PCDHGB1: variants seen among roughly 807,000 people sequenced by gnomAD.
PCDHGB1 encodes the protein protocadherin gamma-B1.
Under a neutral mutation model 56.6 loss-of-function variants are expected in PCDHGB1, and 34 were observed. The ratio of observed to expected loss-of-function variants is 0.60; its 90% CI spans 0.46 to 0.80. The LOEUF (loss-of-function observed/expected upper bound fraction) is 0.80. Among genes scored for constraint, PCDHGB1 ranks in the 30% least tolerant of loss-of-function variants. The pLI is 0.00. For missense variants in PCDHGB1, 1,278 were observed against 1,204.6 expected, an observed-to-expected ratio of 1.06 and a Z score of -0.90; for synonymous variants, 561 against 505.9, an observed-to-expected ratio of 1.11 and a Z score of -1.46.
intron 1 of PCDHGB1, chr5:141,478,860 A>C: frequency 1.9e-5 from 25 of 1,331,544 alleles, no homozygotes; most frequent in Middle Eastern, 2.6e-4. Context: ...ACAAGATCTC[A>C]GCGATCAGAG....
At chr5:141,419,793 C>T in intron 1 of PCDHGB1, 1 of 1,614,072 alleles carries the variant, frequency 6.2e-7, no homozygotes, top group East Asian at 2.2e-5. Flanking sequence ...CTGCTAGTCG[C>T]TGTAAGAGAT....
chr5:141,387,840 C>A, intron 1 of PCDHGB1: 1 of 1,597,864 alleles, frequency 6.3e-7, no homozygotes, highest in African/African-American at 1.3e-5. Context: ...TTATTTGTAA[C>A]CCGGCGTCTC....
intron 1 of PCDHGB1, chr5:141,372,839 A>G: frequency 6.6e-7 from 1 of 1,524,174 alleles, no homozygotes. Context: ...TCCTTCCATA[A>G]ATATAATTGG....
intron 1 of PCDHGB1, chr5:141,409,887 TGCTGTAC>T: frequency 6.2e-7 from 1 of 1,613,062 alleles, no homozygotes; most frequent in Non-Finnish European, 8.5e-7. Flanking sequence ...GCACCGCGGG[TGCTGTAC>T]CCAGCTCTGG....
Position 141,491,722 on chromosome 5 carries a change from C to G in PCDHGB1, c.2410-3085C>G, listed in dbSNP as rs1276921909. ...CCAGGTGAGGGGCTCGGCGCCGCCC[C>G]GGGCGACCCCTGGGGGCGGCACTGG... On this transcript the variant is annotated intron_variant, in intron 1 of 3. Transcript: ENST00000523390. This position sits in a 1 kb window ranked among gnomAD's most constrained non-coding sequence, Gnocchi z 6.9. 2 of 1,607,004 alleles carry G rather than the reference C, an allele frequency of 1.2e-6. No homozygotes were observed. The highest frequency in any genetic ancestry group is 1.7e-5 in the Admixed American group (1 of 58,788).
At chr5:141,438,957 CACCCTGCCA>C (rs1022731551) in intron 1 of PCDHGB1, among the ~76,000 whole-genome samples, 2 of 152,144 alleles carry the variant, frequency 1.3e-5, no homozygotes, top group East Asian at 3.9e-4. Flanking sequence ...TGAGCCACCG[CACCCTGCCA>C]ACTGTCTGAC....
At chr5:141,385,376 C>T in intron 1 of PCDHGB1, 1 of 1,523,128 alleles carries the variant, frequency 6.6e-7, no homozygotes. Context: ...CATGATATTT[C>T]TCTATTATTT....
Position 141,384,414 on chromosome 5 carries a change from C to T in PCDHGB1, c.2409+31745C>T, listed in dbSNP as rs1159996307. 5 of 1,613,838 alleles carry T rather than the reference C, an allele frequency of 3.1e-6. No individual in the cohort carries two copies. In the East Asian group the frequency reaches 8.9e-5, roughly 29 times the overall value. ...AGGGGGCTCCAGTGTCCTCCTATGT[C>T]TCCATAAACTCTGACACTGGAGTCC... On this transcript the variant is annotated intron_variant, in intron 1 of 3. Coordinates refer to ENST00000523390, the MANE Select transcript of PCDHGB1 (RefSeq NM_018922.3).
At chr5:141,388,781 T>C (rs770000046) in intron 1 of PCDHGB1, 3 of 1,613,832 alleles carry the variant, frequency 1.9e-6, no homozygotes, top group Non-Finnish European at 2.5e-6. Flanking sequence ...CCGGGGAAAT[T>C]ACTGTTTTAA....
rs1309124846 is a variant in PCDHGB1, at chr5:141,491,295, T to C, written c.2410-3512T>C. On this transcript the variant is annotated intron_variant, in intron 1 of 3. Coordinates refer to ENST00000523390, the MANE Select transcript of PCDHGB1 (RefSeq NM_018922.3). This position sits in a 1 kb window ranked among gnomAD's most constrained non-coding sequence, Gnocchi z 6.9. ...CCAGTGACTTCCTCATACACCCTCC[T>C]GAGCGTTCAGACCTTACCCTTTACC... The C allele has an allele frequency of 6.2e-7, 1 of 1,614,176 alleles. No homozygotes were observed. Among genetic ancestry groups the C allele is most frequent in the Non-Finnish European group, 8.5e-7 (1 of 1,179,994 alleles).
Position 141,410,674 on chromosome 5 carries a change from A to G in PCDHGB1, c.2409+58005A>G. 3.2e-6 allele frequency: 5 copies of G among 1,551,418 alleles called. No homozygotes were observed. In the South Asian group the frequency reaches 3.6e-5, roughly 11 times the overall value. On this transcript the variant is annotated intron_variant, in intron 1 of 3. Coordinates refer to ENST00000523390, the MANE Select transcript of PCDHGB1 (RefSeq NM_018922.3). ...ATCTAATAGTCTACTAGTTTCTCATATTTTAGGCATACTACTTTATTTTCA... is the reference window on the plus strand; with the variant it reads ...ATCTAATAGTCTACTAGTTTCTCATGTTTTAGGCATACTACTTTATTTTCA...
intron 1 of PCDHGB1, chr5:141,404,610 T>G (rs1207198913): frequency 6.2e-7 from 1 of 1,614,130 alleles, no homozygotes. Context: ...CTGTTTGTTT[T>G]GGACCAGAAT....
In PCDHGB1 at chr5:141,428,425, T is replaced by A. The variant is rs1193842204; in HGVS notation, c.2410-66382T>A. ...GGGTTGCTTTCACCCTGGTCTCTGT[T>A]CTAAGACTAGACCAGGGGTTTTTCC... On this transcript the variant is annotated intron_variant, in intron 1 of 3. Transcript: ENST00000523390. 4 of 436,598 alleles carry A rather than the reference T, an allele frequency of 9.2e-6. No homozygotes were observed. In the East Asian group the frequency reaches 1.9e-4, roughly 21 times the overall value. 27.0% of individuals were successfully genotyped at this position (436,598 alleles called of 1,614,324 possible). A position where few individuals can be genotyped will look rare whatever the true frequency, so the allele number is the denominator to read the frequency against.
chr5:141,507,632 G>A (rs551849213), intron 3 of PCDHGB1, among the ~76,000 whole-genome samples: 6 of 152,360 alleles, frequency 3.9e-5, no homozygotes, highest in Non-Finnish European at 7.3e-5. Flanking sequence ...GTGGCCTTGC[G>A]CCCTGAGGCC....
intron 1 of PCDHGB1, chr5:141,360,160 G>C (rs1368478719): frequency 2.5e-6 from 4 of 1,606,014 alleles, no homozygotes; most frequent in Non-Finnish European, 3.4e-6. Flanking sequence ...AGGGAGGTGC[G>C]GGCTGGTGCG....
chr5:141,466,552 G>C lies in PCDHGB1; in HGVS notation c.2410-28255G>C, dbSNP rs913019489. On this transcript the variant is annotated intron_variant, in intron 1 of 3. Coordinates refer to ENST00000523390, the MANE Select transcript of PCDHGB1 (RefSeq NM_018922.3). ...ATTGATGTAGATGGTCTTTTGCTGTGGGCTTCATCTTCAACATTGTCTCAT... is the reference window on the plus strand; with the variant it reads ...ATTGATGTAGATGGTCTTTTGCTGTCGGCTTCATCTTCAACATTGTCTCAT... 2.6e-5 allele frequency among the ~76,000 whole-genome samples: 4 copies of C among 152,144 alleles called. No homozygotes were observed. The South Asian group carries it at 8.3e-4, about 32-fold the overall frequency.
chr5:141,386,660 A>C (rs1300288203), intron 1 of PCDHGB1, among the ~76,000 whole-genome samples: 1 of 151,968 alleles, frequency 6.6e-6, no homozygotes, highest in Non-Finnish European at 1.5e-5. Context: ...CAAGTTCTGC[A>C]GTGTTCACAT....
intron 1 of PCDHGB1, chr5:141,372,749 C>T (rs1368298645): frequency 1.2e-6 from 2 of 1,613,056 alleles, no homozygotes; most frequent in Non-Finnish European, 1.7e-6. Flanking sequence ...GTGATGAAGC[C>T]TCTTGGTTTG....
intron 1 of PCDHGB1, among the ~76,000 whole-genome samples, chr5:141,353,781 T>A (rs1759382826): frequency 6.6e-6 from 1 of 152,240 alleles, no homozygotes; most frequent in Non-Finnish European, 1.5e-5. Context: ...TACTGTCAAA[T>A]TTATTTCCAA....
Sources: allele counts gnomAD v4.1 joint callset (sites outside exome capture counted in the v4.1 genomes callset), GRCh38; gene constraint gnomAD v4.1.1; non-coding constraint Gnocchi (gnomAD v3.1); transcripts MANE v1.5; gene names NCBI Gene and HGNC (gene_info 2026-07-23, HGNC 2026-07-21).